LRMDA: variants seen among roughly 807,000 people sequenced by gnomAD.
The protein encoded by LRMDA is leucine-rich melanocyte differentiation-associated protein.
Under a neutral mutation model 29.8 loss-of-function variants are expected in LRMDA, and 18 were observed. That is an observed-to-expected ratio of 0.60 (90% CI 0.42 to 0.90). The LOEUF (loss-of-function observed/expected upper bound fraction) is 0.90. Among genes scored for constraint, LRMDA ranks in the 40% least tolerant of loss-of-function variants. The probability of loss-of-function intolerance (pLI) is 0.00; values close to 1 mark genes in which losing one functional copy is unlikely to be tolerated. For missense variants in LRMDA, 273 were observed against 273.9 expected (o/e 1.00, Z 0.02); for synonymous variants, 125 against 109.4 (o/e 1.14, Z -0.89).
intron 5 of LRMDA, among the ~76,000 whole-genome samples, chr10:76,249,174 A>G (rs1852428243): frequency 1.3e-5 from 2 of 152,318 alleles, no homozygotes; most frequent in African/African-American, 4.8e-5. Context: ...AAAAAAACTC[A>G]GATATTACTC....
At chr10:75,944,755 A>T (rs1031687526) in intron 2 of LRMDA, among the ~76,000 whole-genome samples, 1 of 148,342 alleles carries the variant, frequency 6.7e-6, no homozygotes, top group African/African-American at 2.4e-5. Context: ...TATATATATA[A>T]AATAAAATAT....
intron 6 of LRMDA, among the ~76,000 whole-genome samples, chr10:76,411,741 C>T (rs964375759): frequency 6.6e-6 from 1 of 152,238 alleles, no homozygotes; most frequent in African/African-American, 2.4e-5. Context: ...GATGGAGCCA[C>T]GCCCCTGACA....
chr10:75,434,365 T>A (rs1004176560), intron 1 of LRMDA, among the ~76,000 whole-genome samples: 1 of 152,184 alleles, frequency 6.6e-6, no homozygotes, highest in Non-Finnish European at 1.5e-5. Context: ...TTCATGAGGA[T>A]TGAATAGATA....
rs1850916917 is a variant in LRMDA, at chr10:76,175,458, T to G, written c.516+116675T>G. Among the ~76,000 whole-genome samples the G allele has an allele frequency of 2.0e-5, 3 of 152,302 alleles. No individual in the cohort carries two copies. The South Asian group carries it at 6.2e-4, about 32-fold the overall frequency. On this transcript the variant is annotated intron_variant, in intron 5 of 6. Coordinates refer to ENST00000611255, the MANE Select transcript of LRMDA (RefSeq NM_001305581.2). ...GCCCACTTTCAAGTAAGTGCTCGCA[T>G]TAACTATTATTTTAATGCTATTATC...
intron 2 of LRMDA, among the ~76,000 whole-genome samples, chr10:75,866,181 G>A (rs760423549): frequency 8.5e-5 from 13 of 152,214 alleles, no homozygotes; most frequent in Non-Finnish European, 1.8e-4. Flanking sequence ...GGCAGTGAGG[G>A]ATCAGGATGG....
chr10:75,829,675 A>G lies in LRMDA; in HGVS notation c.132-206333A>G, dbSNP rs919956352. On this transcript the variant is annotated intron_variant, in intron 2 of 6. Transcript: ENST00000611255. The stretch of plus-strand genomic sequence containing the variant: ...ATCTTAGGTTTGAAGGAAGATTCAG[A>G]TATGTTAATTAAGTCTATCTATACT... 2.0e-5 allele frequency among the ~76,000 whole-genome samples: 3 copies of G among 151,972 alleles called. No individual in the cohort carries two copies. The East Asian group carries it at 5.8e-4, about 29-fold the overall frequency.
intron 2 of LRMDA, among the ~76,000 whole-genome samples, chr10:75,681,685 C>T (rs1167196657): frequency 1.3e-5 from 2 of 152,176 alleles, no homozygotes; most frequent in East Asian, 1.9e-4. Flanking sequence ...AGCGAAATTT[C>T]GTTGTCCTGA....
intron 6 of LRMDA, among the ~76,000 whole-genome samples, chr10:76,375,795 C>T (rs544617582): frequency 6.8e-6 from 1 of 148,058 alleles, no homozygotes; most frequent in South Asian, 2.2e-4. Flanking sequence ...GTAAAGTGGG[C>T]TTGATAAAGA....
intron 5 of LRMDA, among the ~76,000 whole-genome samples, chr10:76,281,266 G>T (rs1840200898): frequency 2.0e-5 from 3 of 152,202 alleles, no homozygotes; most frequent in Non-Finnish European, 2.9e-5. Flanking sequence ...AAGGTCCTTT[G>T]TTGGAGCAAA....
chr10:75,995,389 A>G (rs565818734), intron 2 of LRMDA, among the ~76,000 whole-genome samples: 5 of 152,272 alleles, frequency 3.3e-5, no homozygotes, highest in African/African-American at 9.6e-5. Context: ...TGGAAACCCA[A>G]TTAACATCTT....
At chr10:76,456,262 C>A (rs771474976) in intron 6 of LRMDA, among the ~76,000 whole-genome samples, 26 of 152,116 alleles carry the variant, frequency 1.7e-4, no homozygotes, top group Non-Finnish European at 3.7e-4. Flanking sequence ...TTTAACTCAC[C>A]AAATATATTC....
chr10:76,396,471 C>G lies in LRMDA; in HGVS notation c.601+71986C>G, dbSNP rs546868570. ...TCTTACCCAGTAGAGAGAGGGGCCCCTTTCCACTGTTTCTTTTCTACTTCC... is the reference window on the plus strand; with the variant it reads ...TCTTACCCAGTAGAGAGAGGGGCCCGTTTCCACTGTTTCTTTTCTACTTCC... On this transcript the variant is annotated intron_variant, in intron 6 of 6. Coordinates refer to ENST00000611255, the MANE Select transcript of LRMDA (RefSeq NM_001305581.2). 7 of 152,336 alleles carry G rather than the reference C, an allele frequency of 4.6e-5. No homozygotes were observed. In the South Asian group the frequency reaches 1.2e-3, roughly 27 times the overall value. The allele number at this position is 152,336 out of a possible 1,614,324, so 9.4% of individuals were successfully genotyped here.
chr10:76,068,714 G>A (rs913861033), intron 5 of LRMDA, among the ~76,000 whole-genome samples: 2 of 152,198 alleles, frequency 1.3e-5, no homozygotes, highest in Admixed American at 6.5e-5. Flanking sequence ...GCCTTAGGGT[G>A]TCCAACCTGA....
intron 2 of LRMDA, among the ~76,000 whole-genome samples, chr10:75,741,023 G>A (rs1195629894): frequency 6.6e-6 from 1 of 152,154 alleles, no homozygotes; most frequent in Non-Finnish European, 1.5e-5. Flanking sequence ...GGGTGGGGAT[G>A]GTTTGGGATT....
chr10:76,151,594 A>C (rs539451503), intron 5 of LRMDA, among the ~76,000 whole-genome samples: 1 of 152,084 alleles, frequency 6.6e-6, no homozygotes, highest in Non-Finnish European at 1.5e-5. Context: ...ATTTCCCTCT[A>C]CCCATTCTAG....
At chr10:75,816,692 G>C (rs1844067095) in intron 2 of LRMDA, among the ~76,000 whole-genome samples, 1 of 152,184 alleles carries the variant, frequency 6.6e-6, no homozygotes, top group Admixed American at 6.5e-5. Context: ...TAAGCAAAAA[G>C]CAGGATTTGT....
At chr10:76,379,161 TTGTGTGTGTG>T (rs57245101) in intron 6 of LRMDA, among the ~76,000 whole-genome samples, 32 of 137,930 alleles carry the variant, frequency 2.3e-4, no homozygotes, top group Admixed American at 1.2e-3. Context: ...CTGGCCTTCT[TTGTGTGTGTG>T]TGTGTGTGTG....
At chr10:76,292,358 T>TG (rs1423947557) in intron 5 of LRMDA, among the ~76,000 whole-genome samples, 4 of 152,148 alleles carry the variant, frequency 2.6e-5, no homozygotes, top group African/African-American at 9.6e-5. Flanking sequence ...CTCACAGAGC[T>TG]GGGTGGTGAC....
chr10:75,793,117 T>C (rs1297701664), intron 2 of LRMDA, among the ~76,000 whole-genome samples: 2 of 152,158 alleles, frequency 1.3e-5, no homozygotes, highest in Non-Finnish European at 2.9e-5. Context: ...ACAGAAACAG[T>C]ATGATGTGCC....
Sources: allele counts gnomAD v4.1 joint callset (sites outside exome capture counted in the v4.1 genomes callset), GRCh38; gene constraint gnomAD v4.1.1; transcripts MANE v1.5; gene names NCBI Gene and HGNC (gene_info 2026-07-23, HGNC 2026-07-21).